The following ICA1 variants were observed in gnomAD, a reference collection of about 807,000 sequenced individuals.
The protein encoded by ICA1 is 69 kDa islet cell autoantigen.
In ICA1, 40 loss-of-function variants were observed where a neutral mutation model predicts 71.0. The ratio of observed to expected loss-of-function variants is 0.56; its 90% CI spans 0.44 to 0.73. ICA1 has a LOEUF of 0.73. Ranked by LOEUF, ICA1 falls within the 30% of genes least tolerant of loss-of-function variation. The pLI is 0.00. For missense variants in ICA1, 578 were observed against 576.5 expected, an observed-to-expected ratio of 1.00 and a Z score of -0.03; for synonymous variants, 207 against 209.5, an observed-to-expected ratio of 0.99 and a Z score of 0.10.
chr7:8,177,069 C>T (rs1309510552), intron 6 of ICA1, among the ~76,000 whole-genome samples: 1 of 152,186 alleles, frequency 6.6e-6, no homozygotes, highest in Non-Finnish European at 1.5e-5. Flanking sequence ...TAATTTATTA[C>T]ATGAAAATAT....
chr7:8,158,498 G>C, intron 7 of ICA1, 29 bp downstream of exon 7: 1 of 1,612,660 alleles, frequency 6.2e-7, no homozygotes, highest in South Asian at 1.1e-5. Flanking sequence ...GCCATCCTTG[G>C]TTCATTGCAA....
At chr7:8,230,255 C>T (rs764425150) in intron 3 of ICA1, among the ~76,000 whole-genome samples, 13 of 152,150 alleles carry the variant, frequency 8.5e-5, no homozygotes, top group Non-Finnish European at 1.6e-4. Flanking sequence ...TAAAACTCAG[C>T]GCAATATTTC....
intron 6 of ICA1, among the ~76,000 whole-genome samples, chr7:8,206,062 T>C (rs1461407982): frequency 4.6e-5 from 7 of 152,178 alleles, no homozygotes; most frequent in African/African-American, 1.7e-4. Flanking sequence ...TCACTGATGC[T>C]AAACATAGAA....
chr7:8,124,111 ATTTTTTTTTTT>A (rs536582712), intron 13 of ICA1, among the ~76,000 whole-genome samples: 2 of 107,412 alleles, frequency 1.9e-5, no homozygotes, highest in African/African-American at 4.1e-5. Context: ...GAATCATACA[ATTTTTTTTTTT>A]TTTTTTTTTT....
intron 6 of ICA1, among the ~76,000 whole-genome samples, chr7:8,174,177 C>A (rs929732582): frequency 3.9e-5 from 6 of 152,046 alleles, no homozygotes; most frequent in African/African-American, 1.4e-4. Flanking sequence ...GTGGCTTGTT[C>A]TAGGAAATGT....
chr7:8,233,394 AT>A (rs35599635), intron 2 of ICA1, among the ~76,000 whole-genome samples: 664 of 142,644 alleles, frequency 4.7e-3, no homozygotes, highest in African/African-American at 7.9e-3. Flanking sequence ...TATTCTTGGT[AT>A]TTTTTTTTTT....
Position 8,120,500 on chromosome 7 carries a change from C to A in ICA1, c.1331-6456G>T, listed in dbSNP as rs1240191722. On this transcript the variant is annotated intron_variant, in intron 13 of 13. Coordinates refer to ENST00000402384, the MANE Select transcript of ICA1 (RefSeq NM_001136020.3). ...AAGAGAACTTAGTGTTGCTAATATTCCCATAATTGCCATCAACTGTTCTCT... is the reference window on the plus strand; with the variant it reads ...AAGAGAACTTAGTGTTGCTAATATTACCATAATTGCCATCAACTGTTCTCT... Among the ~76,000 whole-genome samples the A allele has an allele frequency of 3.3e-5, 5 of 152,078 alleles. No individual in the cohort carries two copies. The South Asian group carries it at 6.2e-4, about 19-fold the overall frequency.
At chr7:8,219,254 C>G (rs1796307263) in intron 5 of ICA1, among the ~76,000 whole-genome samples, 1 of 152,194 alleles carries the variant, frequency 6.6e-6, no homozygotes, top group Admixed American at 6.5e-5. Context: ...CTGCTTCTTC[C>G]ATCTCCCTAC....
intron 1 of ICA1, among the ~76,000 whole-genome samples, chr7:8,241,878 T>C (rs1295208020): frequency 6.6e-6 from 1 of 152,198 alleles, no homozygotes; most frequent in Non-Finnish European, 1.5e-5. Context: ...ATCCTAAATA[T>C]ATATGCACCC....
rs138860588 is a variant in ICA1, at chr7:8,151,081, C to T, written c.804+6035G>A. 7.2e-3 allele frequency among the ~76,000 whole-genome samples: 1,091 copies of T among 152,342 alleles called. 34 individuals are homozygous for T. The South Asian group carries it at 0.081, about 11-fold the overall frequency. ...TCACTTTCTATATGTCAGTGCTGAA[C>T]CTAGCAGTACTATTAATTACAATCC... On this transcript the variant is annotated intron_variant, in intron 8 of 13. Coordinates refer to ENST00000402384, the MANE Select transcript of ICA1 (RefSeq NM_001136020.3).
rs1467945187 is a variant in ICA1 at position 8,232,623 on chromosome 7, A to C, written c.150T>G (p.Val50=). Residue 50 remains valine, a synonymous_variant, in exon 3 of 14, where the codon GTT becomes GTG. Coordinates refer to ENST00000402384, the MANE Select transcript of ICA1 (RefSeq NM_001136020.3). The part of the protein sequence containing the change: ...ATGKKEDEHV[V]ASDADLDAKL... Reference sequence around the variant, plus strand: ...TGGCATCCAGGTCCGCGTCAGAGGCAACAACATGTTCATCTTCCTTCTTCC... The same window carrying C: ...TGGCATCCAGGTCCGCGTCAGAGGCCACAACATGTTCATCTTCCTTCTTCC... The C allele has an allele frequency of 6.2e-7, 1 of 1,613,086 alleles. No homozygotes were observed. Among genetic ancestry groups the C allele is most frequent in the Admixed American group, 1.7e-5 (1 of 59,898 alleles).
intron 6 of ICA1, among the ~76,000 whole-genome samples, chr7:8,163,681 G>C (rs1187728436): frequency 6.6e-6 from 1 of 152,194 alleles, no homozygotes; most frequent in African/African-American, 2.4e-5. Context: ...GATTAACTAT[G>C]CAAGGAGGGA....
chr7:8,246,472 T>C lies in ICA1; in HGVS notation c.-79-10467A>G, dbSNP rs10261118. ...GGAAAGGCAACTTCCTGCTCAGAGG[T>C]GGAACTGCTGCTGAGGTCAGCACCT... On this transcript the variant is annotated intron_variant, in intron 1 of 13. Coordinates refer to ENST00000402384, the MANE Select transcript of ICA1 (RefSeq NM_001136020.3). 6.1e-3 allele frequency among the ~76,000 whole-genome samples: 930 copies of C among 152,184 alleles called. 8 individuals are homozygous for C. Among genetic ancestry groups the C allele is most frequent in the African/African-American group, 0.021 (891 of 41,504 alleles).
chr7:8,152,576 C>CATT (rs1403293749), intron 8 of ICA1, among the ~76,000 whole-genome samples: 1 of 115,398 alleles, frequency 8.7e-6, no homozygotes, highest in Non-Finnish European at 2.1e-5. Context: ...CCACCACCAC[C>CATT]ATCTCCTTCA....
intron 6 of ICA1, among the ~76,000 whole-genome samples, chr7:8,214,015 C>T (rs1794644032): frequency 6.6e-6 from 1 of 152,174 alleles, no homozygotes; most frequent in South Asian, 2.1e-4. Context: ...TGTAGGATTT[C>T]ATTAGCCGTT....
chr7:8,183,320 G>A (rs947053768), intron 6 of ICA1, among the ~76,000 whole-genome samples: 28 of 152,084 alleles, frequency 1.8e-4, no homozygotes, highest in African/African-American at 6.0e-4. Flanking sequence ...TATTTGTCCC[G>A]TTAAAGGCTA....
rs1562640261 is a variant in ICA1, at chr7:8,143,960, G to C, written c.817C>G (p.Pro273Ala). The C allele has an allele frequency of 1.9e-6, 3 of 1,584,760 alleles. No homozygotes were observed. In the South Asian group the frequency reaches 3.3e-5, roughly 18 times the overall value. The change falls in exon 9 of 14, where the codon CCT (proline) becomes GCT (alanine). Residue 273 changes from proline (P) to alanine (A), a missense_variant. Coordinates refer to ENST00000402384, the MANE Select transcript of ICA1 (RefSeq NM_001136020.3). ...TCTTTCTCAACTAATTTTTTCATAG[G>C]GTCTTGTAAGCTCTTGATCACGAGC... The part of the protein sequence containing the change: ...EFTTLKSLQD[P>A]MKKLVEKEEK...
intron 6 of ICA1, among the ~76,000 whole-genome samples, chr7:8,197,637 G>A (rs1438135848): frequency 2.0e-5 from 3 of 149,710 alleles, no homozygotes; most frequent in African/African-American, 7.3e-5. Flanking sequence ...TATTAAAGAT[G>A]AAGGGTGGAA....
chr7:8,209,001 T>C (rs1583261993), intron 6 of ICA1, among the ~76,000 whole-genome samples: 1 of 149,342 alleles, frequency 6.7e-6, no homozygotes, highest in African/African-American at 2.6e-5. Context: ...ATGTTTTGAC[T>C]GTTGTCATCC....
Sources: gnomAD v4.1 joint callset for allele counts (sites outside exome capture counted in the v4.1 genomes callset) on GRCh38, gnomAD v4.1.1 for gene constraint, MANE v1.5 for transcripts, NCBI Gene and HGNC (gene_info 2026-07-23, HGNC 2026-07-21) for gene names.